Variants in SLC14A2 observed in about 807,000 individuals in gnomAD.
SLC14A2 encodes the protein urea transporter 2.
In SLC14A2, 91 loss-of-function variants were observed where a neutral mutation model predicts 104.6. The ratio of observed to expected loss-of-function variants is 0.87; its 90% CI spans 0.73 to 1.04. The LOEUF (loss-of-function observed/expected upper bound fraction) is 1.04. SLC14A2 is among the 50% of genes least tolerant of loss of function. The pLI is 0.00. For synonymous variants in SLC14A2, 476 were observed against 466.4 expected, an observed-to-expected ratio of 1.02 and a Z score of -0.27; for missense variants, 1,189 against 1,156.0, an observed-to-expected ratio of 1.03 and a Z score of -0.41.
chr18:45,606,162 T>C (rs945106000), intron 2 of SLC14A2, among the ~76,000 whole-genome samples: 4 of 152,114 alleles, frequency 2.6e-5, no homozygotes, highest in African/African-American at 9.7e-5. Flanking sequence ...CCTGGGCTAT[T>C]TGAAATCCTT....
At chr18:45,260,864 G>A (rs1012967692) in intron 1 of SLC14A2, among the ~76,000 whole-genome samples, 3 of 151,938 alleles carry the variant, frequency 2.0e-5, no homozygotes, top group South Asian at 2.1e-4. Context: ...GTGGGGAAAG[G>A]GCTAAAAAAC....
the SLC14A2 span, among the ~76,000 whole-genome samples, chr18:45,194,137 T>A: frequency 3.3e-5 from 5 of 152,226 alleles, no homozygotes; most frequent in African/African-American, 4.8e-5. Flanking sequence ...GATCATATCA[T>A]CAGTGAATAA....
At chr18:45,556,112 C>T (rs755902260) in intron 2 of SLC14A2, among the ~76,000 whole-genome samples, 10 of 152,258 alleles carry the variant, frequency 6.6e-5, no homozygotes, top group East Asian at 1.9e-4. Context: ...ATTTTCTCCT[C>T]GTTACATGCT....
intron 1 of SLC14A2, among the ~76,000 whole-genome samples, chr18:45,273,133 G>A (rs530615879): frequency 9.6e-4 from 146 of 152,112 alleles, no homozygotes; most frequent in African/African-American, 3.3e-3. Flanking sequence ...TCATCAGATC[G>A]GGGTTTTTGC....
At chr18:45,362,137 C>T (rs533901289) in intron 1 of SLC14A2, among the ~76,000 whole-genome samples, 2 of 152,376 alleles carry the variant, frequency 1.3e-5, no homozygotes, top group African/African-American at 4.8e-5. Flanking sequence ...CTTCTTCACT[C>T]ACTTGCTCTC....
chr18:45,479,658 C>A (rs1455608159), intron 1 of SLC14A2, among the ~76,000 whole-genome samples: 1 of 152,184 alleles, frequency 6.6e-6, no homozygotes, highest in African/African-American at 2.4e-5. Flanking sequence ...TGTCTAGCCT[C>A]AGTTTTTATG....
chr18:45,570,380 A>G (rs1394061216), intron 2 of SLC14A2, among the ~76,000 whole-genome samples: 1 of 152,208 alleles, frequency 6.6e-6, no homozygotes, highest in African/African-American at 2.4e-5. Context: ...CATTTAGCCC[A>G]GATGGTAGAT....
intron 2 of SLC14A2, among the ~76,000 whole-genome samples, chr18:45,574,802 C>G (rs1216450013): frequency 2.6e-5 from 4 of 152,218 alleles, no homozygotes; most frequent in African/African-American, 9.7e-5. Context: ...GGCCTCTGGC[C>G]TATACCTCTC....
chr18:45,674,973 C>A (rs73953621), intron 18 of SLC14A2, among the ~76,000 whole-genome samples: 1 of 152,216 alleles, frequency 6.6e-6, no homozygotes, highest in South Asian at 2.1e-4. Context: ...GGCTCAACTG[C>A]GTGTAAAAGA....
chr18:45,287,022 G>A (rs373020070), intron 1 of SLC14A2, among the ~76,000 whole-genome samples: 117 of 152,298 alleles, frequency 7.7e-4, no homozygotes, highest in African/African-American at 2.6e-3. Context: ...GGCCAGCCTT[G>A]TTCATTAGAG....
chr18:45,514,601 A>C (rs2043411688), intron 2 of SLC14A2, among the ~76,000 whole-genome samples: 1 of 152,228 alleles, frequency 6.6e-6, no homozygotes, highest in Admixed American at 6.5e-5. Flanking sequence ...GGATGCCTAC[A>C]TTAGGTGAGC....
chr18:45,403,783 A>AATGAATGAATGAATGT (rs1460206408), intron 1 of SLC14A2, among the ~76,000 whole-genome samples: 25 of 152,192 alleles, frequency 1.6e-4, no homozygotes, highest in Admixed American at 1.6e-3. Flanking sequence ...TGAATGAATG[A>AATGAATGAATGAATGT]ATAAATGAGT....
chr18:45,384,667 A>G (rs936417789), intron 1 of SLC14A2, among the ~76,000 whole-genome samples: 1 of 150,112 alleles, frequency 6.7e-6, no homozygotes, highest in Non-Finnish European at 1.5e-5. Context: ...TCCCCCCGAC[A>G]ACCCCCAGCT....
At chr18:45,495,221 A>G (rs560764017) in intron 2 of SLC14A2, among the ~76,000 whole-genome samples, 60 of 152,358 alleles carry the variant, frequency 3.9e-4, no homozygotes, top group African/African-American at 1.4e-3. Flanking sequence ...GGAGGGATAA[A>G]AGTAACAATA....
the SLC14A2 span, among the ~76,000 whole-genome samples, chr18:45,203,042 C>A: frequency 1.3e-5 from 2 of 152,166 alleles, no homozygotes; most frequent in Middle Eastern, 3.2e-3. Context: ...ACTTAAGAAG[C>A]AAATTCTCCA....
In SLC14A2 at chr18:45,624,637, G is replaced by C. The variant is rs761706158; in HGVS notation, c.-28G>C. Reference sequence around the variant, plus strand: ...TCCCTTTCCTTCCGTCTAGTCCATCGATAGAAGAGTGGCTGTGACCCGAAG... The same window carrying C: ...TCCCTTTCCTTCCGTCTAGTCCATCCATAGAAGAGTGGCTGTGACCCGAAG... On this transcript the variant is annotated 5_prime_UTR_variant, in exon 2 of 20. Transcript: ENST00000255226. 1 of 1,598,988 alleles carries C rather than the reference G, an allele frequency of 6.3e-7. No homozygotes were observed. Among genetic ancestry groups the C allele is most frequent in the Non-Finnish European group, 8.5e-7 (1 of 1,171,712 alleles).
chr18:45,204,354 G>A, the SLC14A2 span, among the ~76,000 whole-genome samples: 3 of 152,152 alleles, frequency 2.0e-5, no homozygotes, highest in African/African-American at 7.2e-5. Flanking sequence ...AAACCTTCGG[G>A]TCTACTTGAT....
intron 1 of SLC14A2, among the ~76,000 whole-genome samples, chr18:45,257,555 T>C (rs1350583053): frequency 6.6e-6 from 1 of 152,226 alleles, no homozygotes; most frequent in African/African-American, 2.4e-5. Flanking sequence ...AATTAAAATA[T>C]GCAAGTCATG....
chr18:45,563,924 T>C (rs932769350), intron 2 of SLC14A2, among the ~76,000 whole-genome samples: 34 of 152,348 alleles, frequency 2.2e-4, no homozygotes, highest in African/African-American at 7.9e-4. Flanking sequence ...ATATGAGCTA[T>C]GAGATTTCAG....
Sources: gnomAD v4.1 joint callset for allele counts (sites outside exome capture counted in the v4.1 genomes callset) on GRCh38, gnomAD v4.1.1 for gene constraint, MANE v1.5 for transcripts, NCBI Gene and HGNC (gene_info 2026-07-23, HGNC 2026-07-21) for gene names.